Variants in PLEKHA7 observed in about 807,000 individuals in gnomAD.
PLEKHA7 encodes pleckstrin homology domain-containing family A member 7.
Under a neutral mutation model 170.0 loss-of-function variants are expected in PLEKHA7, and 104 were observed. That is an observed-to-expected ratio of 0.61 (90% CI 0.52 to 0.72). PLEKHA7 has a LOEUF of 0.72. PLEKHA7 is among the 30% of genes least tolerant of loss of function. The pLI is 0.00. For missense variants in PLEKHA7, 1,615 were observed against 1,671.7 expected (o/e 0.97, Z 0.59); for synonymous variants, 648 against 660.8 (o/e 0.98, Z 0.30).
chr11:16,900,638 T>C (rs1279335707), intron 3 of PLEKHA7, among the ~76,000 whole-genome samples: 2 of 152,106 alleles, frequency 1.3e-5, no homozygotes, highest in African/African-American at 2.4e-5. Flanking sequence ...CATTAACAAC[T>C]GGGTGGTCCT....
At chr11:16,799,119 A>G (rs1261568145) in intron 17 of PLEKHA7, among the ~76,000 whole-genome samples, 1 of 152,238 alleles carries the variant, frequency 6.6e-6, no homozygotes, top group African/African-American at 2.4e-5. Context: ...AATGAGGAAT[A>G]CATTTTGAAT....
chr11:16,914,335 C>T (rs1037516443), intron 3 of PLEKHA7, among the ~76,000 whole-genome samples: 4 of 152,178 alleles, frequency 2.6e-5, no homozygotes, highest in African/African-American at 9.7e-5. Context: ...AAATCAGTCT[C>T]ATCTGTGACG....
chr11:16,789,914 C>CT lies in PLEKHA7; in HGVS notation c.3053-37dup, dbSNP rs1847719132. ...AAAGAGAAGTGCAAGCATGTTTGTG[C>CT]TGGGGTGGATGGGTCCCTGCTTCTC... On this transcript the variant is annotated intron_variant, in intron 21 of 26. Coordinates refer to ENST00000531066, the MANE Select transcript of PLEKHA7 (RefSeq NM_001329630.2). This position sits in a 1 kb window ranked among gnomAD's most constrained non-coding sequence, Gnocchi z 4.6. 6.3e-7 allele frequency: 1 copy of CT among 1,579,304 alleles called. No homozygotes were observed. Among genetic ancestry groups the CT allele is most frequent in the Non-Finnish European group, 8.7e-7 (1 of 1,149,000 alleles).
intron 3 of PLEKHA7, among the ~76,000 whole-genome samples, chr11:16,877,140 C>T (rs1032448878): frequency 6.6e-6 from 1 of 152,134 alleles, no homozygotes; most frequent in African/African-American, 2.4e-5. Context: ...CAGTATCTGC[C>T]CCTCTGGACC....
At position 17,011,785 on chromosome 11, in the gene PLEKHA7, C is replaced by T. The variant is rs539453824; in HGVS notation, c.221+2204G>A. Among the ~76,000 whole-genome samples the T allele has an allele frequency of 5.9e-5, 9 of 152,298 alleles. No homozygotes were observed. The East Asian group carries it at 1.7e-3, about 29-fold the overall frequency. On this transcript the variant is annotated intron_variant, in intron 3 of 26. Transcript: ENST00000531066. Reference sequence around the variant, plus strand: ...GGGTCTCTTCTGTCCTCTCTCCCCACCAAGCTTCAGATCACACTATCTGAC... The same window carrying T: ...GGGTCTCTTCTGTCCTCTCTCCCCATCAAGCTTCAGATCACACTATCTGAC...
chr11:16,813,589 T>C (rs557445543), intron 12 of PLEKHA7, among the ~76,000 whole-genome samples: 35 of 152,264 alleles, frequency 2.3e-4, no homozygotes, highest in African/African-American at 7.7e-4. Flanking sequence ...TTCACATGCA[T>C]GAAGATGAAG....
rs1202947567 is a variant in PLEKHA7 at position 16,855,070 on chromosome 11, C to T, written c.418-77G>A. 1.1e-5 allele frequency: 14 copies of T among 1,222,654 alleles called. No individual in the cohort carries two copies. The South Asian group carries it at 1.6e-4, about 14-fold the overall frequency. The allele number at this position is 1,222,654 out of a possible 1,614,324, so 75.7% of individuals were successfully genotyped here. A position where few individuals can be genotyped will look rare whatever the true frequency, so the allele number is the denominator to read the frequency against. On this transcript the variant is annotated intron_variant, in intron 5 of 26. Coordinates refer to ENST00000531066, the MANE Select transcript of PLEKHA7 (RefSeq NM_001329630.2). Reference sequence around the variant, plus strand: ...AAAAGCACTTGTATGTTAGGAGGACCGTCGGCTCTCTCTGCCTCACTCTAA... The same window carrying T: ...AAAAGCACTTGTATGTTAGGAGGACTGTCGGCTCTCTCTGCCTCACTCTAA...
chr11:16,889,420 A>AAAAAAAAAAAATATATATAT (rs61086849), intron 3 of PLEKHA7, among the ~76,000 whole-genome samples: 5 of 74,664 alleles, frequency 6.7e-5, no homozygotes, highest in African/African-American at 3.1e-4. Flanking sequence ...AAAAAAAAAA[A>AAAAAAAAAAAATATATATAT]ATATATATAT....
intron 3 of PLEKHA7, among the ~76,000 whole-genome samples, chr11:16,962,639 T>C (rs560388629): frequency 6.6e-6 from 1 of 152,288 alleles, no homozygotes; most frequent in East Asian, 1.9e-4. Context: ...TTTTATATTT[T>C]TAGTAGAGAT....
Position 16,957,939 on chromosome 11 carries a change from G to A in PLEKHA7, c.221+56050C>T, listed in dbSNP as rs1590718242. Among the ~76,000 whole-genome samples, 7 of 151,990 alleles carry A rather than the reference G, an allele frequency of 4.6e-5. 1 individual carries two copies. The highest frequency in any genetic ancestry group is 1.7e-4 in the African/African-American group (7 of 41,502). ...AACTTGGTCTCAAACTCCTGACCTC[G>A]TGATCGGCCCACCTCGGCTTCCCAA... is the stretch of plus-strand genomic sequence containing the variant. On this transcript the variant is annotated intron_variant, in intron 3 of 26. Transcript: ENST00000531066.
At position 16,813,141 on chromosome 11, in the gene PLEKHA7, T is replaced by G. The variant is rs1590198895; in HGVS notation, c.1979A>C (p.Lys660Thr). The G allele has an allele frequency of 3.1e-6, 5 of 1,613,744 alleles. No homozygotes were observed. Among genetic ancestry groups the G allele is most frequent in the Non-Finnish European group, 4.2e-6 (5 of 1,179,662 alleles). ...KSADDTYLQL[K>T]KDLEYLDLKM... ...TAGATCCAGGTACTCCAGGTCTTTC[T>G]TCAGCTGGAGGTAGGTATCATCAGC... The change falls in exon 13 of 27, where the codon AAG (lysine) becomes ACG (threonine). Residue 660 changes from lysine to threonine, a missense_variant. Transcript: ENST00000531066.
intron 23 of PLEKHA7, chr11:16,787,918 C>T (rs1210323978): frequency 6.6e-6 from 1 of 152,178 alleles, no homozygotes; most frequent in African/African-American, 2.4e-5. Context: ...TGCAGAGAGG[C>T]CCTCTGAATA....
At chr11:16,807,197 C>T (rs1283260481) in intron 13 of PLEKHA7, 3 of 985,348 alleles carry the variant, frequency 3.0e-6, no homozygotes, top group East Asian at 1.1e-4. Flanking sequence ...TTGTAAAGCA[C>T]GTTGATCAAA....
chr11:16,787,144 G>T, intron 23 of PLEKHA7: 1 of 985,468 alleles, frequency 1.0e-6, no homozygotes, highest in East Asian at 1.1e-4. Flanking sequence ...CAGCTCCGTG[G>T]TGACTTCCTG....
chr11:17,012,432 C>A (rs1483929657), intron 3 of PLEKHA7, among the ~76,000 whole-genome samples: 1 of 152,172 alleles, frequency 6.6e-6, no homozygotes, highest in Non-Finnish European at 1.5e-5. Context: ...GCCAACTCAT[C>A]ATCACATGAT....
intron 3 of PLEKHA7, among the ~76,000 whole-genome samples, chr11:16,924,794 C>G (rs961960858): frequency 2.0e-5 from 3 of 152,218 alleles, no homozygotes; most frequent in Non-Finnish European, 4.4e-5. Flanking sequence ...TTCAGATTTC[C>G]TCTCTCCAGC....
At chr11:16,892,428 GTGTGTGTTTTGTTT>G (rs1342576091) in intron 3 of PLEKHA7, among the ~76,000 whole-genome samples, 10 of 66,858 alleles carry the variant, frequency 1.5e-4, no homozygotes, top group African/African-American at 4.3e-4. Flanking sequence ...GTGTGTGTGT[GTGTGTGTTTTGTTT>G]TGTTTTGTTT....
In PLEKHA7 at chr11:16,830,515, T is replaced by C. The variant is rs564360284; in HGVS notation, c.873-3925A>G. Among the ~76,000 whole-genome samples, 5 of 152,334 alleles carry C rather than the reference T, an allele frequency of 3.3e-5. No homozygotes were observed. In the East Asian group the frequency reaches 9.6e-4, roughly 29 times the overall value. On this transcript the variant is annotated intron_variant, in intron 9 of 26. Transcript: ENST00000531066. ...CTCCTTGTTATTCACACTCCAAAGATAAAGAGCACCTTGTCATAAAAGCCA... is the reference window on the plus strand; with the variant it reads ...CTCCTTGTTATTCACACTCCAAAGACAAAGAGCACCTTGTCATAAAAGCCA...
rs1452064657 is a variant in PLEKHA7 at position 16,800,979 on chromosome 11, A to G, written c.2404T>C (p.Phe802Leu). ...LQEQHRRAFF[F>L]QEKSQIQKDL... ...ATGGACAGGTATCAGGTCACCTGGA[A>G]AAAAAAGGCTCTTCTGTGTTGCTCC... The change falls in exon 17 of 27, where the codon TTC becomes CTC. Residue 802 changes from phenylalanine to leucine, a missense_variant. By Grantham distance (22) the Phe-to-Leu change is conservative. Coordinates refer to ENST00000531066, the MANE Select transcript of PLEKHA7 (RefSeq NM_001329630.2). The G allele has an allele frequency of 6.2e-7, 1 of 1,614,020 alleles. No individual in the cohort carries two copies. Among genetic ancestry groups the G allele is most frequent in the South Asian group, 1.1e-5 (1 of 91,084 alleles).
Sources: gnomAD v4.1 joint callset for allele counts (sites outside exome capture counted in the v4.1 genomes callset) on GRCh38, gnomAD v4.1.1 for gene constraint, Gnocchi (gnomAD v3.1) non-coding constraint, MANE v1.5 for transcripts, NCBI Gene and HGNC (gene_info 2026-07-23, HGNC 2026-07-21) for gene names.